SH2D3C: variants seen among roughly 807,000 people sequenced by gnomAD.
SH2D3C encodes the protein SH2 domain containing 3C, also known as SH2 domain-containing protein 3C.
SH2D3C carries 25 observed loss-of-function variants against 75.2 expected under a neutral mutation model. The ratio of observed to expected loss-of-function variants is 0.33; its 90% CI spans 0.24 to 0.46. SH2D3C has a LOEUF of 0.46. Among genes scored for constraint, SH2D3C ranks in the 20% least tolerant of loss-of-function variants. The pLI is 1.00. For synonymous variants in SH2D3C, 450 were observed against 473.7 expected (o/e 0.95, Z 0.65); for missense variants, 933 against 1,165.3 (o/e 0.80, Z 2.90).
At chr9:127,746,149 A>T (rs1306401946) in intron 6 of SH2D3C, among the ~76,000 whole-genome samples, 1 of 152,214 alleles carries the variant, frequency 6.6e-6, no homozygotes. Flanking sequence ...CATTCTGGCA[A>T]GGAATTTTAG....
intron 9 of SH2D3C, 72 bp from the exon 10 acceptor site, chr9:127,740,441 T>C: frequency 9.8e-7 from 1 of 1,021,758 alleles, no homozygotes; most frequent in Non-Finnish European, 1.5e-6. Context: ...CCCTGCTGAG[T>C]GGACACCCAG....
chr9:127,762,423 G>A, intron 2 of SH2D3C: 1 of 769,762 alleles, frequency 1.3e-6, no homozygotes, highest in South Asian at 1.4e-5. Context: ...ATATCTGAAG[G>A]CCATCTACAA....
intron 2 of SH2D3C, 39 bp from the exon 3 acceptor site, chr9:127,761,689 C>T (rs1845530946): frequency 6.3e-7 from 1 of 1,583,850 alleles, no homozygotes; most frequent in Non-Finnish European, 8.6e-7. Context: ...CCCAGCCCTG[C>T]TTGGCTCCCC....
Position 127,739,095 on chromosome 9 carries a change from T to C in SH2D3C, c.2408-174A>G, listed in dbSNP as rs987237153. Among the ~76,000 whole-genome samples, 1 of 152,234 alleles carries C rather than the reference T, an allele frequency of 6.6e-6. No individual in the cohort carries two copies. Among genetic ancestry groups the C allele is most frequent in the African/African-American group, 2.4e-5 (1 of 41,448 alleles). On this transcript the variant is annotated intron_variant, in intron 11 of 11. Coordinates refer to ENST00000314830, the MANE Select transcript of SH2D3C (RefSeq NM_170600.3). This position sits in a 1 kb window ranked among gnomAD's most constrained non-coding sequence, Gnocchi z 4.3. ...CATCTTTGTCCTGTTATTTGCAGCA[T>C]ATAATTTAAAAATGACTAGACCATA...
intron 2 of SH2D3C, among the ~76,000 whole-genome samples, chr9:127,764,924 G>A (rs1201372725): frequency 6.6e-6 from 1 of 152,076 alleles, no homozygotes; most frequent in African/African-American, 2.4e-5. Context: ...GGCCAGGCTG[G>A]TCTTGAACTC....
chr9:127,759,684 A>T (rs925832954), intron 3 of SH2D3C, among the ~76,000 whole-genome samples: 1 of 150,508 alleles, frequency 6.6e-6, no homozygotes, highest in Non-Finnish European at 1.5e-5. Flanking sequence ...CCCCACCTTT[A>T]AAAAAAAATT....
At chr9:127,745,689 G>A (rs538552366) in intron 6 of SH2D3C, among the ~76,000 whole-genome samples, 16 of 151,750 alleles carry the variant, frequency 1.1e-4, no homozygotes, top group Non-Finnish European at 1.9e-4. Context: ...GAGTGCAATG[G>A]CATGATCTCA....
intron 5 of SH2D3C, among the ~76,000 whole-genome samples, chr9:127,748,388 G>A (rs1845096713): frequency 6.6e-6 from 1 of 152,166 alleles, no homozygotes; most frequent in Admixed American, 6.5e-5. Flanking sequence ...CCAGCCCCAG[G>A]GAGACAGAGC....
At chr9:127,775,954 G>A (rs1488800622) in intron 1 of SH2D3C, among the ~76,000 whole-genome samples, 8 of 151,804 alleles carry the variant, frequency 5.3e-5, no homozygotes, top group African/African-American at 1.5e-4. Flanking sequence ...TCAGCCTCCC[G>A]AGTAACTGGG....
rs201525406 is a variant in SH2D3C at position 127,778,663 on chromosome 9, G to C, written c.-36C>G. ...TGTGTGAAGCCCTTGGCCAGCTTGC[G>C]AGTGGCCACTCAAGGCTCGGGACAT... On this transcript the variant is annotated 5_prime_UTR_variant, in exon 1 of 12. Transcript: ENST00000314830. The C allele has an allele frequency of 1.3e-6, 2 of 1,592,596 alleles. No individual in the cohort carries two copies. Among genetic ancestry groups the C allele is most frequent in the African/African-American group, 1.3e-5 (1 of 74,404 alleles).
intron 3 of SH2D3C, among the ~76,000 whole-genome samples, chr9:127,752,485 C>A (rs549979224): frequency 6.6e-6 from 1 of 152,046 alleles, no homozygotes; most frequent in South Asian, 2.1e-4. Flanking sequence ...TGAGGGAGGG[C>A]AGTAAAGGGC....
intron 2 of SH2D3C, among the ~76,000 whole-genome samples, chr9:127,766,102 AGAAG>A (rs1388108859): frequency 6.6e-6 from 1 of 152,238 alleles, no homozygotes; most frequent in Non-Finnish European, 1.5e-5. Context: ...ATCCTGGGCC[AGAAG>A]GAAGGGTGAC....
chr9:127,759,184 G>A (rs1348367164), intron 3 of SH2D3C, among the ~76,000 whole-genome samples: 1 of 152,160 alleles, frequency 6.6e-6, no homozygotes, highest in African/African-American at 2.4e-5. Flanking sequence ...TTTTAGTTTT[G>A]TGGGGTTTTC....
intron 5 of SH2D3C, among the ~76,000 whole-genome samples, chr9:127,747,664 G>A (rs929379585): frequency 6.6e-6 from 1 of 151,762 alleles, no homozygotes; most frequent in African/African-American, 2.4e-5. Context: ...TTCAGCCTCC[G>A]AGTAGCTGGG....
rs895602272 is a variant in SH2D3C at position 127,766,837 on chromosome 9, T to G, written c.516-5187A>C. 12 of 1,242,380 alleles carry G rather than the reference T, an allele frequency of 9.7e-6. No individual in the cohort carries two copies. In the Admixed American group the frequency reaches 1.0e-4, roughly 11 times the overall value. 77.0% of individuals were successfully genotyped at this position (1,242,380 alleles called of 1,614,324 possible). A position where few individuals can be genotyped will look rare whatever the true frequency, so the allele number is the denominator to read the frequency against. ...CACCTGCCTTGGCCTCCCAAAGTGC[T>G]GGGGTTACAGGCGTGAGCCCTGTGC... is the stretch of plus-strand genomic sequence containing the variant. On this transcript the variant is annotated intron_variant, in intron 2 of 11. Coordinates refer to ENST00000314830, the MANE Select transcript of SH2D3C (RefSeq NM_170600.3).
At chr9:127,777,341 C>A (rs1451511999) in intron 1 of SH2D3C, among the ~76,000 whole-genome samples, 1 of 152,134 alleles carries the variant, frequency 6.6e-6, no homozygotes, top group African/African-American at 2.4e-5. Context: ...GTGCTCTTTC[C>A]CCACCCAAGT....
intron 5 of SH2D3C, among the ~76,000 whole-genome samples, chr9:127,748,810 C>A (rs1337320940): frequency 1.3e-5 from 2 of 152,210 alleles, no homozygotes; most frequent in Admixed American, 6.5e-5. Context: ...TGCTCAGATG[C>A]CCACCTTGGC....
At chr9:127,773,162 C>T (rs1467365160) in intron 2 of SH2D3C, among the ~76,000 whole-genome samples, 2 of 152,164 alleles carry the variant, frequency 1.3e-5, no homozygotes, top group East Asian at 3.8e-4. Flanking sequence ...TTTTGATACC[C>T]AGTAAAAATG....
rs150113099 is a variant in SH2D3C, at chr9:127,745,126, C to T, written c.1265-27G>A. The T allele has an allele frequency of 1.2e-4, 182 of 1,464,912 alleles. No individual in the cohort carries two copies. The East Asian group carries it at 1.9e-3, about 15-fold the overall frequency. The allele number at this position is 1,464,912 out of a possible 1,614,324, so 90.7% of individuals were successfully genotyped here. A position where few individuals can be genotyped will look rare whatever the true frequency, so the allele number is the denominator to read the frequency against. The stretch of plus-strand genomic sequence containing the variant: ...TGCAGAAAGGTAGAGAGAGAGGCCC[C>T]GTTATAGCAGCTCCCCACCAAAGTG... On this transcript the variant is annotated intron_variant, in intron 6 of 11. Coordinates refer to ENST00000314830, the MANE Select transcript of SH2D3C (RefSeq NM_170600.3).
Sources: gnomAD v4.1 joint callset for allele counts (sites outside exome capture counted in the v4.1 genomes callset) on GRCh38, gnomAD v4.1.1 for gene constraint, Gnocchi (gnomAD v3.1) non-coding constraint, MANE v1.5 for transcripts, NCBI Gene and HGNC (gene_info 2026-07-23, HGNC 2026-07-21) for gene names.